The following TLK1 variants were observed in gnomAD, a reference collection of about 807,000 sequenced individuals.
TLK1 encodes the protein tousled like kinase 1.
A neutral mutation model predicts 105.3 loss-of-function variants in TLK1; 24 were observed. The ratio of observed to expected loss-of-function variants is 0.23; its 90% CI spans 0.17 to 0.32. The LOEUF (loss-of-function observed/expected upper bound fraction) is 0.32. Among genes scored for constraint, TLK1 ranks in the 10% least tolerant of loss-of-function variants. The probability of loss-of-function intolerance (pLI) is 1.00; values close to 1 mark genes in which losing one functional copy is unlikely to be tolerated. For synonymous variants in TLK1, 321 were observed against 310.4 expected (o/e 1.03, Z -0.36); for missense variants, 558 against 910.5 (o/e 0.61, Z 4.98).
chr2:171,150,633 G>A (rs550156806), intron 1 of TLK1, among the ~76,000 whole-genome samples: 1 of 152,318 alleles, frequency 6.6e-6, no homozygotes, highest in Admixed American at 6.5e-5. Flanking sequence ...AAGAGAAGCT[G>A]TCTTTCAAGT....
At chr2:171,140,912 A>C (rs1344448165) in intron 1 of TLK1, among the ~76,000 whole-genome samples, 1 of 152,236 alleles carries the variant, frequency 6.6e-6, no homozygotes, top group Non-Finnish European at 1.5e-5. Context: ...GAAAACCTGA[A>C]ACTAAAGAGA....
At chr2:171,088,985 A>G (rs901605546) in intron 2 of TLK1, among the ~76,000 whole-genome samples, 1 of 152,196 alleles carries the variant, frequency 6.6e-6, no homozygotes, top group Non-Finnish European at 1.5e-5. Context: ...TCCGGGCTCA[A>G]GTGATTCTGC....
At chr2:171,181,426 C>T (rs1692926476) in intron 1 of TLK1, among the ~76,000 whole-genome samples, 1 of 152,200 alleles carries the variant, frequency 6.6e-6, no homozygotes, top group Non-Finnish European at 1.5e-5. Context: ...CAAAGAGTTT[C>T]TACGTCCTCA....
intron 1 of TLK1, among the ~76,000 whole-genome samples, chr2:171,193,207 C>G (rs761221897): frequency 2.0e-5 from 3 of 152,050 alleles, no homozygotes; most frequent in African/African-American, 4.8e-5. Context: ...AAATCAAATA[C>G]ATGAGGCCAA....
intron 12 of TLK1, among the ~76,000 whole-genome samples, chr2:171,019,496 A>G (rs1575520446): frequency 6.6e-6 from 1 of 152,246 alleles, no homozygotes; most frequent in Non-Finnish European, 1.5e-5. Flanking sequence ...ATACATTTTT[A>G]TATGTAAAAC....
At chr2:171,120,881 T>C (rs114566362) in intron 1 of TLK1, among the ~76,000 whole-genome samples, 1,750 of 152,208 alleles carry the variant, frequency 0.011, 39 homozygotes, top group African/African-American at 0.04. Context: ...AGCCTAAAGG[T>C]AGAAGCAATC....
intron 1 of TLK1, among the ~76,000 whole-genome samples, chr2:171,131,238 C>T (rs551286889): frequency 1.3e-5 from 2 of 152,234 alleles, no homozygotes; most frequent in South Asian, 4.1e-4. Flanking sequence ...CAGGAAGTTA[C>T]AGACACTCAA....
At chr2:171,202,873 G>C (rs914081556) in intron 1 of TLK1, among the ~76,000 whole-genome samples, 1 of 151,896 alleles carries the variant, frequency 6.6e-6, no homozygotes, top group African/African-American at 2.4e-5. Context: ...TAGTTTTATT[G>C]GACAAAATAT....
At chr2:171,166,389 T>C (rs1692610089) in intron 1 of TLK1, among the ~76,000 whole-genome samples, 1 of 152,246 alleles carries the variant, frequency 6.6e-6, no homozygotes, top group Non-Finnish European at 1.5e-5. Context: ...TGAGCTAACC[T>C]GCTCATAAAC....
intron 2 of TLK1, among the ~76,000 whole-genome samples, chr2:171,087,308 C>T (rs559568105): frequency 1.8e-4 from 28 of 152,132 alleles, no homozygotes; most frequent in African/African-American, 6.5e-4. Flanking sequence ...CAAATAAAAA[C>T]CGTAAAAAGA....
chr2:171,013,759 T>C (rs1029155912), intron 13 of TLK1, among the ~76,000 whole-genome samples: 3 of 152,214 alleles, frequency 2.0e-5, no homozygotes, highest in Non-Finnish European at 2.9e-5. Context: ...CACACAGAAA[T>C]TGGCCACTTC....
chr2:171,066,810 T>C (rs1266297846), intron 3 of TLK1: 3 of 1,548,042 alleles, frequency 1.9e-6, no homozygotes, highest in Non-Finnish European at 2.6e-6. Context: ...AAAATTAGAA[T>C]AAAGTTGAAC....
chr2:171,064,277 G>C (rs1357515258), intron 3 of TLK1, among the ~76,000 whole-genome samples: 1 of 152,118 alleles, frequency 6.6e-6, no homozygotes, highest in Non-Finnish European at 1.5e-5. Context: ...TAAGGCTCCA[G>C]CCTACCAGAG....
At position 171,056,553 on chromosome 2, in the gene TLK1, T is replaced by C. The variant is rs779460816; in HGVS notation, c.467A>G (p.Asn156Ser). The C allele has an allele frequency of 2.0e-5, 32 of 1,612,134 alleles. No individual in the cohort carries two copies. Among genetic ancestry groups the C allele is most frequent in the Non-Finnish European group, 2.6e-5 (31 of 1,178,752 alleles). The change falls in exon 6 of 21, where the codon AAT becomes AGT. Residue 156 changes from asparagine (N) to serine (S), a missense_variant. Physicochemically the swap from Asn to Ser is conservative, Grantham distance 46. Transcript: ENST00000431350. The part of the protein sequence containing the change: ...ISDYFEYQGG[N>S]GSSPVRGIPP... ...TATGCCTCTTACTGGACTTGAGCCA[T>C]TTCCACCCTGGTACTGAGTAAAAGA...
chr2:171,187,390 A>G (rs1163939791), intron 1 of TLK1, among the ~76,000 whole-genome samples: 2 of 152,196 alleles, frequency 1.3e-5, no homozygotes, highest in Non-Finnish European at 2.9e-5. Context: ...GTGACTCCCA[A>G]AGAATATTTC....
At position 171,218,253 on chromosome 2, in the gene TLK1, TAACA is replaced by T. The variant is rs748539646; in HGVS notation, c.-6+12888_-6+12891del. On this transcript the variant is annotated intron_variant, in intron 1 of 20. Coordinates refer to the TLK1 transcript ENST00000521943. ...GGTGACAGAGGGAGACTCCATCGCA[TAACA>T]AACAAACAAACAACAACAACAACAA... 1.9e-3 allele frequency among the ~76,000 whole-genome samples: 290 copies of T among 151,904 alleles called. 2 individuals are homozygous for T. The highest frequency in any genetic ancestry group is 5.3e-3 in the African/African-American group (221 of 41,398).
At chr2:171,196,058 A>T (rs1325466499) in intron 1 of TLK1, among the ~76,000 whole-genome samples, 1 of 149,090 alleles carries the variant, frequency 6.7e-6, no homozygotes, top group Non-Finnish European at 1.5e-5. Flanking sequence ...AAAAAGAAAG[A>T]AAGAAAAAGG....
chr2:171,100,061 T>G (rs1689623377), intron 2 of TLK1, among the ~76,000 whole-genome samples: 1 of 151,984 alleles, frequency 6.6e-6, no homozygotes, highest in South Asian at 2.1e-4. Context: ...GACTCAAGAT[T>G]TAAGAAATAA....
intron 1 of TLK1, among the ~76,000 whole-genome samples, chr2:171,131,519 A>G (rs1691106338): frequency 6.6e-6 from 1 of 152,210 alleles, no homozygotes; most frequent in Non-Finnish European, 1.5e-5. Context: ...GTTTTCCAGC[A>G]AACAGTCACT....
Sources: allele counts gnomAD v4.1 joint callset (sites outside exome capture counted in the v4.1 genomes callset), GRCh38; gene constraint gnomAD v4.1.1; transcripts MANE v1.5; gene names NCBI Gene and HGNC (gene_info 2026-07-23, HGNC 2026-07-21).